Variants in SCHIP1 observed in about 807,000 individuals in gnomAD.
SCHIP1 encodes schwannomin-interacting protein 1.
A neutral mutation model predicts 29.7 loss-of-function variants in SCHIP1; 8 were observed. That is an observed-to-expected ratio of 0.27 (90% CI 0.16 to 0.49). The LOEUF (loss-of-function observed/expected upper bound fraction) is 0.49. Ranked by LOEUF, SCHIP1 falls within the 20% of genes least tolerant of loss-of-function variation. SCHIP1 has a pLI of 0.99. For missense variants in SCHIP1, 193 were observed against 294.6 expected (o/e 0.66, Z 2.52); for synonymous variants, 76 against 94.9 (o/e 0.80, Z 1.16).
the SCHIP1 span, among the ~76,000 whole-genome samples, chr3:159,675,079 CA>C: frequency 6.6e-6 from 1 of 152,170 alleles, no homozygotes; most frequent in Non-Finnish European, 1.5e-5. Context: ...CAGGGCTTGA[CA>C]AAGACAGAAG....
the SCHIP1 span, among the ~76,000 whole-genome samples, chr3:159,669,377 T>C: frequency 6.6e-6 from 1 of 152,196 alleles, no homozygotes; most frequent in South Asian, 2.1e-4. Flanking sequence ...ACTTATGAAG[T>C]ATTTATGAGG....
intron 1 of SCHIP1, among the ~76,000 whole-genome samples, chr3:159,845,053 A>G (rs998973962): frequency 6.6e-6 from 1 of 152,216 alleles, no homozygotes; most frequent in Non-Finnish European, 1.5e-5. Context: ...ACTCCTCTGC[A>G]TGGCCTTCAA....
the SCHIP1 span, among the ~76,000 whole-genome samples, chr3:159,553,523 T>C: frequency 6.6e-6 from 1 of 152,210 alleles, no homozygotes; most frequent in African/African-American, 2.4e-5. Context: ...TGCTGATAAA[T>C]AGAACTTTAA....
At chr3:159,543,552 C>T in the SCHIP1 span, among the ~76,000 whole-genome samples, 2 of 151,056 alleles carry the variant, frequency 1.3e-5, no homozygotes, top group Non-Finnish European at 3.0e-5. Flanking sequence ...TGAACTCATC[C>T]TTTTTTATGG....
At chr3:159,473,190 A>C in the SCHIP1 span, among the ~76,000 whole-genome samples, 1 of 152,234 alleles carries the variant, frequency 6.6e-6, no homozygotes, top group Non-Finnish European at 1.5e-5. Flanking sequence ...TATTGACTTA[A>C]AAAGTTGTAT....
the SCHIP1 span, among the ~76,000 whole-genome samples, chr3:159,455,056 C>T: frequency 6.6e-6 from 1 of 152,074 alleles, no homozygotes; most frequent in East Asian, 1.9e-4. Flanking sequence ...CAGGTATTTG[C>T]CACTTACTGT....
chr3:159,526,981 T>A, the SCHIP1 span, among the ~76,000 whole-genome samples: 3 of 152,180 alleles, frequency 2.0e-5, no homozygotes, highest in Non-Finnish European at 2.9e-5. Context: ...ATCTTAATCA[T>A]CTCATGTCAC....
the SCHIP1 span, among the ~76,000 whole-genome samples, chr3:159,491,008 T>C: frequency 6.6e-5 from 10 of 152,218 alleles, no homozygotes; most frequent in Non-Finnish European, 1.0e-4. Context: ...TACATGTTTA[T>C]GAACTCATTA....
At chr3:159,461,093 TG>T in the SCHIP1 span, among the ~76,000 whole-genome samples, 1 of 152,132 alleles carries the variant, frequency 6.6e-6, no homozygotes, top group Non-Finnish European at 1.5e-5. Flanking sequence ...CACTGATCTC[TG>T]GGGTCAAGGG....
the SCHIP1 span, among the ~76,000 whole-genome samples, chr3:159,687,828 C>T: frequency 6.6e-6 from 1 of 152,288 alleles, no homozygotes; most frequent in Admixed American, 6.5e-5. Flanking sequence ...TCAACTTCCA[C>T]TTATGAGTGA....
intron 2 of SCHIP1, among the ~76,000 whole-genome samples, chr3:159,881,749 A>T (rs1006013115): frequency 7.9e-5 from 12 of 152,346 alleles, no homozygotes; most frequent in African/African-American, 4.8e-5. Flanking sequence ...TAATTTTTTT[A>T]AAAAGCCATC....
At chr3:159,278,703 G>T in the SCHIP1 span, among the ~76,000 whole-genome samples, 1 of 152,166 alleles carries the variant, frequency 6.6e-6, no homozygotes, top group Admixed American at 6.5e-5. Flanking sequence ...TATCAAGTCA[G>T]CATAGATACT....
At chr3:159,327,398 G>A in the SCHIP1 span, among the ~76,000 whole-genome samples, 1 of 152,140 alleles carries the variant, frequency 6.6e-6, no homozygotes, top group African/African-American at 2.4e-5. Flanking sequence ...TTCTCCCCTT[G>A]GGTAGTTTGA....
At chr3:159,607,514 C>G in the SCHIP1 span, among the ~76,000 whole-genome samples, 4 of 152,132 alleles carry the variant, frequency 2.6e-5, no homozygotes, top group Non-Finnish European at 5.9e-5. Context: ...AATGAGGGGG[C>G]CCTTTCTTTC....
At chr3:159,599,671 G>A in the SCHIP1 span, among the ~76,000 whole-genome samples, 328 of 152,232 alleles carry the variant, frequency 2.2e-3, 2 homozygotes, top group African/African-American at 7.6e-3. Flanking sequence ...GGCTGGTTTC[G>A]TATTTTTGCA....
chr3:159,834,202 G>A, the SCHIP1 span, among the ~76,000 whole-genome samples: 2 of 152,240 alleles, frequency 1.3e-5, no homozygotes, highest in South Asian at 2.1e-4. Context: ...CAGACATTGG[G>A]GATATAGCAC....
chr3:159,481,979 T>G, the SCHIP1 span, among the ~76,000 whole-genome samples: 33 of 152,180 alleles, frequency 2.2e-4, 1 homozygote, highest in African/African-American at 7.7e-4. Flanking sequence ...GGCTAATTTT[T>G]TGGTCAATTT....
chr3:159,615,178 C>T, the SCHIP1 span, among the ~76,000 whole-genome samples: 1 of 152,134 alleles, frequency 6.6e-6, no homozygotes, highest in Non-Finnish European at 1.5e-5. Context: ...TATCTAGACC[C>T]AAAACCACAG....
At chr3:159,815,009 T>G in the SCHIP1 span, among the ~76,000 whole-genome samples, 8 of 152,306 alleles carry the variant, frequency 5.3e-5, no homozygotes, top group Middle Eastern at 3.4e-3. Flanking sequence ...CCTTCTGAGT[T>G]CCTTAAGGAG....
Sources: allele counts gnomAD v4.1 joint callset (sites outside exome capture counted in the v4.1 genomes callset), GRCh38; gene constraint gnomAD v4.1.1; transcripts MANE v1.5; gene names NCBI Gene and HGNC (gene_info 2026-07-23, HGNC 2026-07-21).